Variants in ZBTB20 observed in about 807,000 individuals in gnomAD.
The protein encoded by ZBTB20 is zinc finger and BTB domain-containing protein 20.
A neutral mutation model predicts 56.9 loss-of-function variants in ZBTB20; 9 were observed. The observed-to-expected ratio is 0.16, with a 90% CI of 0.10 to 0.28. The LOEUF (loss-of-function observed/expected upper bound fraction) is 0.28. Among genes scored for constraint, ZBTB20 ranks in the 10% least tolerant of loss-of-function variants. The probability of loss-of-function intolerance (pLI) is 1.00; values close to 1 mark genes in which losing one functional copy is unlikely to be tolerated. For missense variants in ZBTB20, 655 were observed against 1,003.0 expected (o/e 0.65, Z 4.69); for synonymous variants, 417 against 420.7 (o/e 0.99, Z 0.11).
chr3:114,664,348 G>A (rs1204533912), intron 6 of ZBTB20, among the ~76,000 whole-genome samples: 1 of 151,964 alleles, frequency 6.6e-6, no homozygotes, highest in East Asian at 1.9e-4. Context: ...GATTAATGCT[G>A]GTAACCAAGG....
chr3:114,839,451 G>GAAAGAA (rs1560306707), intron 4 of ZBTB20, among the ~76,000 whole-genome samples: 3 of 150,564 alleles, frequency 2.0e-5, no homozygotes, highest in Non-Finnish European at 3.0e-5. Flanking sequence ...AAGAAAGAAA[G>GAAAGAA]AAAGAAAGAA....
intron 5 of ZBTB20, among the ~76,000 whole-genome samples, chr3:114,708,730 G>C (rs768176655): frequency 1.8e-4 from 27 of 152,116 alleles, no homozygotes; most frequent in Non-Finnish European, 3.2e-4. Flanking sequence ...TATTGTTTAA[G>C]TAAATATTGC....
chr3:114,849,196 A>G (rs1252978413), intron 4 of ZBTB20, among the ~76,000 whole-genome samples: 1 of 152,186 alleles, frequency 6.6e-6, no homozygotes, highest in African/African-American at 2.4e-5. Flanking sequence ...GAGCACTGAG[A>G]CAATTGTGCT....
At chr3:114,370,969 TTCC>T (rs2082937290) in intron 10 of ZBTB20, among the ~76,000 whole-genome samples, 1 of 152,188 alleles carries the variant, frequency 6.6e-6, no homozygotes, top group Non-Finnish European at 1.5e-5. Flanking sequence ...ATCCTCCCCA[TTCC>T]TCCTATTACC....
chr3:114,883,713 T>A (rs2076483829), intron 4 of ZBTB20, among the ~76,000 whole-genome samples: 1 of 152,086 alleles, frequency 6.6e-6, no homozygotes, highest in Admixed American at 6.5e-5. Context: ...GTTATATATT[T>A]TTAAAGCAAA....
intron 6 of ZBTB20, among the ~76,000 whole-genome samples, chr3:114,614,908 C>A (rs1247142129): frequency 6.6e-6 from 1 of 152,102 alleles, no homozygotes; most frequent in Non-Finnish European, 1.5e-5. Flanking sequence ...TAGGTGTGTG[C>A]CACCACATCC....
intron 7 of ZBTB20, among the ~76,000 whole-genome samples, chr3:114,467,696 A>T (rs1049527987): frequency 6.6e-6 from 1 of 152,234 alleles, no homozygotes; most frequent in Non-Finnish European, 1.5e-5. Flanking sequence ...ATTAACTCTG[A>T]AGCAAAACTA....
At chr3:114,374,270 A>C (rs1344088303) in intron 10 of ZBTB20, among the ~76,000 whole-genome samples, 2 of 152,256 alleles carry the variant, frequency 1.3e-5, no homozygotes, top group Admixed American at 1.3e-4. Flanking sequence ...AAATGAAAAG[A>C]TAAATATATA....
At chr3:114,536,987 C>T (rs1454424947) in intron 6 of ZBTB20, among the ~76,000 whole-genome samples, 1 of 152,048 alleles carries the variant, frequency 6.6e-6, no homozygotes, top group Non-Finnish European at 1.5e-5. Context: ...CAAAAATTAA[C>T]TCAAGATGGA....
At chr3:114,375,238 T>G (rs1246240729) in intron 10 of ZBTB20, among the ~76,000 whole-genome samples, 1 of 152,210 alleles carries the variant, frequency 6.6e-6, no homozygotes, top group Non-Finnish European at 1.5e-5. Context: ...TCATCTGGTT[T>G]CAAATATATA....
intron 10 of ZBTB20, among the ~76,000 whole-genome samples, chr3:114,354,575 T>G (rs1157923973): frequency 7.1e-5 from 8 of 111,928 alleles, no homozygotes; most frequent in African/African-American, 2.2e-4. Context: ...TTTTTTTTGT[T>G]TTGTTTTGTT....
intron 7 of ZBTB20, among the ~76,000 whole-genome samples, chr3:114,420,651 T>C (rs901227075): frequency 1.3e-5 from 2 of 152,138 alleles, no homozygotes; most frequent in Middle Eastern, 3.2e-3. Context: ...TTAGGGTCTC[T>C]AGGGCACAGG....
chr3:114,461,284 AAAAC>A (rs1213201441), intron 7 of ZBTB20, among the ~76,000 whole-genome samples: 1 of 150,386 alleles, frequency 6.6e-6, no homozygotes, highest in Non-Finnish European at 1.5e-5. Context: ...AAAAACAAAC[AAAAC>A]AATCTCCTCC....
intron 6 of ZBTB20, among the ~76,000 whole-genome samples, chr3:114,571,131 CT>C: frequency 6.6e-6 from 1 of 152,188 alleles, no homozygotes; most frequent in East Asian, 1.9e-4. Flanking sequence ...AAATCTACCC[CT>C]CACTAATTTG....
At chr3:114,367,428 G>T (rs1420754284) in intron 10 of ZBTB20, among the ~76,000 whole-genome samples, 1 of 152,034 alleles carries the variant, frequency 6.6e-6, no homozygotes, top group Non-Finnish European at 1.5e-5. Context: ...ACTATGCCCC[G>T]CTAACTGTTT....
chr3:115,031,073 C>T (rs2080655773), intron 2 of ZBTB20, among the ~76,000 whole-genome samples: 1 of 151,366 alleles, frequency 6.6e-6, no homozygotes, highest in Non-Finnish European at 1.5e-5. Context: ...TTCCTCATTA[C>T]CCATCATCAT....
intron 10 of ZBTB20, among the ~76,000 whole-genome samples, chr3:114,373,861 T>A (rs755141899): frequency 6.6e-6 from 1 of 152,172 alleles, no homozygotes; most frequent in Admixed American, 6.5e-5. Flanking sequence ...TAAGTGACTA[T>A]GGAAGAAACC....
chr3:115,099,013 T>C (rs1321026946), intron 1 of ZBTB20, among the ~76,000 whole-genome samples: 1 of 152,210 alleles, frequency 6.6e-6, no homozygotes, highest in Non-Finnish European at 1.5e-5. Context: ...AGTTTTACTT[T>C]GACAAATCTG....
At chr3:114,669,836 T>C (rs2061266371) in intron 6 of ZBTB20, among the ~76,000 whole-genome samples, 1 of 152,092 alleles carries the variant, frequency 6.6e-6, no homozygotes, top group Non-Finnish European at 1.5e-5. Context: ...TGAGTCATTT[T>C]TAGCACAACA....
Sources: allele counts gnomAD v4.1 joint callset (sites outside exome capture counted in the v4.1 genomes callset), GRCh38; gene constraint gnomAD v4.1.1; transcripts MANE v1.5; gene names NCBI Gene and HGNC (gene_info 2026-07-23, HGNC 2026-07-21).